Variants in PALLD observed in about 807,000 individuals in gnomAD.
The protein encoded by PALLD is palladin.
A neutral mutation model predicts 123.5 loss-of-function variants in PALLD; 61 were observed. The observed-to-expected ratio is 0.49, with a 90% CI of 0.40 to 0.61. PALLD has a LOEUF of 0.61. PALLD is among the 20% of genes least tolerant of loss of function. PALLD has a pLI of 0.00. For synonymous variants in PALLD, 465 were observed against 496.4 expected, an observed-to-expected ratio of 0.94 and a Z score of 0.84; for missense variants, 1,273 against 1,377.0, an observed-to-expected ratio of 0.92 and a Z score of 1.20.
chr4:168,705,673 G>T (rs1393909708), intron 8 of PALLD, among the ~76,000 whole-genome samples: 1 of 152,042 alleles, frequency 6.6e-6, no homozygotes, highest in Non-Finnish European at 1.5e-5. Context: ...TTTCACTTTT[G>T]TTGCCCAGGC....
chr4:168,859,848 GAAATT>G (rs1161385099), intron 10 of PALLD, among the ~76,000 whole-genome samples: 3 of 152,050 alleles, frequency 2.0e-5, no homozygotes, highest in Non-Finnish European at 4.4e-5. Flanking sequence ...AAAGGAAAAA[GAAATT>G]AATTTTAATA....
Position 168,812,932 on chromosome 4 carries a change from G to A in PALLD, c.1965-77990G>A, listed in dbSNP as rs75736182. On this transcript the variant is annotated intron_variant, in intron 10 of 21. Coordinates refer to ENST00000505667, the MANE Select transcript of PALLD (RefSeq NM_001166108.2). ...AGCCTAAAATTTGTACTGGTCCCCA[G>A]CCCCCGTGTAGATTCATCAGCGAGA... Among the ~76,000 whole-genome samples, 305 of 152,218 alleles carry A rather than the reference G, an allele frequency of 2.0e-3. 3 individuals are homozygous for A. The East Asian group carries it at 0.045, about 22-fold the overall frequency.
intron 10 of PALLD, among the ~76,000 whole-genome samples, chr4:168,849,875 C>T (rs1253347870): frequency 6.6e-6 from 1 of 152,102 alleles, no homozygotes; most frequent in Non-Finnish European, 1.5e-5. Context: ...AGCTTATCTT[C>T]CCCATTCCCT....
At chr4:168,775,033 TC>T (rs1424373434) in intron 10 of PALLD, among the ~76,000 whole-genome samples, 4 of 151,066 alleles carry the variant, frequency 2.6e-5, no homozygotes, top group African/African-American at 9.8e-5. Context: ...AAATATGATA[TC>T]TATGCTTATA....
chr4:168,695,051 A>G (rs1783009979), intron 8 of PALLD, among the ~76,000 whole-genome samples: 1 of 152,244 alleles, frequency 6.6e-6, no homozygotes, highest in Non-Finnish European at 1.5e-5. Flanking sequence ...ACTGTCTAAT[A>G]GCGTGCAAAA....
intron 10 of PALLD, among the ~76,000 whole-genome samples, chr4:168,746,164 C>A (rs768099779): frequency 6.6e-6 from 1 of 151,808 alleles, no homozygotes; most frequent in Non-Finnish European, 1.5e-5. Flanking sequence ...TTCCCTCCCC[C>A]ACTTAAACAT....
intron 10 of PALLD, among the ~76,000 whole-genome samples, chr4:168,738,887 T>C (rs772061776): frequency 6.6e-6 from 1 of 151,930 alleles, no homozygotes; most frequent in Non-Finnish European, 1.5e-5. Flanking sequence ...TTGAAAAAAA[T>C]AGTTAATTAT....
intron 10 of PALLD, among the ~76,000 whole-genome samples, chr4:168,763,949 G>A (rs1733308296): frequency 6.6e-6 from 1 of 152,050 alleles, no homozygotes; most frequent in Non-Finnish European, 1.5e-5. Context: ...AATAACAAGG[G>A]TCCGTTATTC....
At chr4:168,672,385 CT>C in intron 3 of PALLD, among the ~76,000 whole-genome samples, 1 of 152,064 alleles carries the variant, frequency 6.6e-6, no homozygotes. Context: ...CTTTGACAGT[CT>C]CTTCCCATTC....
In PALLD at chr4:168,824,817, C is replaced by CT. The variant is rs148235431; in HGVS notation, c.1965-66083dup. On this transcript the variant is annotated intron_variant, in intron 10 of 21. Coordinates refer to ENST00000505667, the MANE Select transcript of PALLD (RefSeq NM_001166108.2). ...ATATAAACTATATATCAGATAAATT[C>CT]TTTTTTTTTTTTTTTTTTTTTTGAG... is the stretch of plus-strand genomic sequence containing the variant. Among the ~76,000 whole-genome samples the CT allele has an allele frequency of 6.0e-3, 585 of 97,836 alleles. 4 individuals carry two copies. The highest frequency in any genetic ancestry group is 0.016 in the East Asian group (60 of 3,770). The allele number at this position is 97,836 out of a possible 152,430, so 64.2% of individuals were successfully genotyped here. A position where few individuals can be genotyped will look rare whatever the true frequency, so the allele number is the denominator to read the frequency against.
chr4:168,715,906 C>T (rs141441692), intron 10 of PALLD, among the ~76,000 whole-genome samples: 10,942 of 151,842 alleles, frequency 0.072, 847 homozygotes, highest in African/African-American at 0.19. Flanking sequence ...GCCGAGATAG[C>T]GCCACTGCCC....
At chr4:168,653,937 T>C (rs1402120217) in intron 2 of PALLD, among the ~76,000 whole-genome samples, 1 of 151,988 alleles carries the variant, frequency 6.6e-6, no homozygotes, top group Non-Finnish European at 1.5e-5. Flanking sequence ...CCTGACCTCA[T>C]GATCCGCCCA....
chr4:168,511,136 C>CG lies in PALLD; in HGVS notation c.-82-281dup, dbSNP rs201149033. Among the ~76,000 whole-genome samples the CG allele has an allele frequency of 3.6e-3, 554 of 152,100 alleles. 1 individual carries two copies. Among genetic ancestry groups the CG allele is most frequent in the African/African-American group, 0.012 (513 of 41,490 alleles). ...TCAATTAGAGTTTGAGTAAGGTGGG[C>CG]GGGGGGCTGACTGTGAGCCCTATCC... On this transcript the variant is annotated intron_variant, in intron 1 of 21. Coordinates refer to ENST00000505667, the MANE Select transcript of PALLD (RefSeq NM_001166108.2).
At chr4:168,816,415 T>TATATATATATATATATATA (rs35097396) in intron 10 of PALLD, among the ~76,000 whole-genome samples, 73 of 136,210 alleles carry the variant, frequency 5.4e-4, no homozygotes, top group African/African-American at 1.9e-3. Context: ...ATATATATAT[T>TATATATATATATATATATA]TTTTTTAAGT....
In PALLD at chr4:168,621,012, G is replaced by C. The variant is rs182876571; in HGVS notation, c.909-47178G>C. 2.6e-5 allele frequency among the ~76,000 whole-genome samples: 4 copies of C among 152,296 alleles called. No homozygotes were observed. In the East Asian group the frequency reaches 7.7e-4, roughly 29 times the overall value. On this transcript the variant is annotated intron_variant, in intron 2 of 21. Coordinates refer to ENST00000505667, the MANE Select transcript of PALLD (RefSeq NM_001166108.2). ...GCTGGCCCTCTGAATCCAAGTGGTGGGGCCTGGCAATCCACACGTTGACAA... is the reference window on the plus strand; with the variant it reads ...GCTGGCCCTCTGAATCCAAGTGGTGCGGCCTGGCAATCCACACGTTGACAA...
intron 10 of PALLD, among the ~76,000 whole-genome samples, chr4:168,739,859 T>A (rs1200522211): frequency 6.6e-6 from 1 of 152,214 alleles, no homozygotes; most frequent in African/African-American, 2.4e-5. Context: ...GTTTCAGGTT[T>A]ACTTTATTGC....
intron 2 of PALLD, among the ~76,000 whole-genome samples, chr4:168,515,701 G>A (rs1013145924): frequency 5.3e-5 from 8 of 152,164 alleles, no homozygotes; most frequent in Non-Finnish European, 1.0e-4. Context: ...TGGAACACGG[G>A]GGAGAAACCT....
At chr4:168,889,800 T>C (rs1753903134) in intron 10 of PALLD, among the ~76,000 whole-genome samples, 1 of 152,162 alleles carries the variant, frequency 6.6e-6, no homozygotes, top group African/African-American at 2.4e-5. Flanking sequence ...TGTGATTCAG[T>C]AGGTCTGGAG....
intron 2 of PALLD, chr4:168,631,704 C>A (rs1209894995): frequency 1.0e-6 from 1 of 985,382 alleles, no homozygotes; most frequent in South Asian, 4.7e-5. Context: ...CCGGCGGGGC[C>A]CAGGACCTCT....
Sources: allele counts gnomAD v4.1 joint callset (sites outside exome capture counted in the v4.1 genomes callset), GRCh38; gene constraint gnomAD v4.1.1; transcripts MANE v1.5; gene names NCBI Gene and HGNC (gene_info 2026-07-23, HGNC 2026-07-21).